Variants in SLC12A8 observed in about 807,000 individuals in gnomAD.
SLC12A8 encodes cation-chloride cotransporter 9.
A neutral mutation model predicts 75.6 loss-of-function variants in SLC12A8; 69 were observed. The observed-to-expected ratio is 0.91, with a 90% CI of 0.75 to 1.11. The LOEUF is 1.11. Ranked by LOEUF, SLC12A8 falls within the 50% of genes most tolerant of loss-of-function variation. The probability of loss-of-function intolerance (pLI) is 0.00; values close to 1 mark genes in which losing one functional copy is unlikely to be tolerated. For synonymous variants in SLC12A8, 365 were observed against 372.8 expected (o/e 0.98, Z 0.24); for missense variants, 877 against 896.7 (o/e 0.98, Z 0.28).
chr3:125,166,750 T>A (rs1447176694), intron 5 of SLC12A8, among the ~76,000 whole-genome samples: 1 of 152,142 alleles, frequency 6.6e-6, no homozygotes, highest in East Asian at 1.9e-4. Flanking sequence ...ATGGATAAAT[T>A]GCGAAAATAT....
chr3:125,187,011 A>G (rs1934799598), intron 4 of SLC12A8, among the ~76,000 whole-genome samples: 1 of 152,362 alleles, frequency 6.6e-6, no homozygotes, highest in Admixed American at 6.5e-5. Context: ...CACATCAGGC[A>G]TCCAGGAGGC....
At chr3:125,134,243 A>C (rs1433073962) in intron 6 of SLC12A8, among the ~76,000 whole-genome samples, 1 of 149,622 alleles carries the variant, frequency 6.7e-6, no homozygotes, top group Admixed American at 6.8e-5. Context: ...CTGGAACTAC[A>C]GGCATGCACC....
At chr3:125,211,087 C>A (rs1935328605) in intron 2 of SLC12A8, among the ~76,000 whole-genome samples, 3 of 152,180 alleles carry the variant, frequency 2.0e-5, no homozygotes, top group Admixed American at 2.0e-4. Flanking sequence ...AAATCCACCA[C>A]AAATAATGCC....
At chr3:125,176,228 G>A (rs950482356) in intron 5 of SLC12A8, among the ~76,000 whole-genome samples, 1 of 152,072 alleles carries the variant, frequency 6.6e-6, no homozygotes, top group Non-Finnish European at 1.5e-5. Context: ...AACAGATCTC[G>A]CTAAATAATT....
intron 6 of SLC12A8, among the ~76,000 whole-genome samples, chr3:125,132,945 A>G (rs1933396204): frequency 6.6e-6 from 1 of 152,296 alleles, no homozygotes; most frequent in Non-Finnish European, 1.5e-5. Context: ...GAGAAATGCA[A>G]GGGGAAGTGG....
chr3:125,120,039 A>G (rs1316004633), intron 7 of SLC12A8: 1 of 380,222 alleles, frequency 2.6e-6, no homozygotes. Context: ...TGGGGGAAGA[A>G]GAAGAGCTGG....
At chr3:125,168,073 G>A (rs1934330066) in intron 5 of SLC12A8, among the ~76,000 whole-genome samples, 1 of 152,182 alleles carries the variant, frequency 6.6e-6, no homozygotes, top group Non-Finnish European at 1.5e-5. Flanking sequence ...GGAAATGGCT[G>A]GGGACAACCA....
rs2981484 is a variant in SLC12A8 at position 125,083,736 on chromosome 3, A to G, written c.*154T>C. 1,337 of 744,652 alleles carry G rather than the reference A, an allele frequency of 1.8e-3. 26 individuals carry two copies. The Admixed American group carries it at 0.038, about 21-fold the overall frequency. 46.1% of individuals were successfully genotyped at this position (744,652 alleles called of 1,614,324 possible). On this transcript the variant is annotated 3_prime_UTR_variant, in exon 14 of 14. Transcript: ENST00000469902. ...GACTCTGTCTCAAAAAAAAAAAAAA[A>G]GGGAAAAGAAAATGTAGATTTCCAT...
chr3:125,123,977 A>G (rs1469375798), intron 6 of SLC12A8, among the ~76,000 whole-genome samples: 1 of 152,040 alleles, frequency 6.6e-6, no homozygotes, highest in Non-Finnish European at 1.5e-5. Context: ...GATTCATCCT[A>G]ATTGCTTCCT....
At chr3:125,111,782 AG>A (rs1000818754) in intron 8 of SLC12A8, among the ~76,000 whole-genome samples, 1 of 152,190 alleles carries the variant, frequency 6.6e-6, no homozygotes, top group Non-Finnish European at 1.5e-5. Context: ...CAGTCAGGAC[AG>A]TTGATTGGAA....
At chr3:125,114,102 C>A (rs1006496899) in intron 8 of SLC12A8, among the ~76,000 whole-genome samples, 2 of 152,196 alleles carry the variant, frequency 1.3e-5, no homozygotes, top group Non-Finnish European at 2.9e-5. Context: ...AACATCTCCA[C>A]GCTCCATGAA....
At chr3:125,089,554 T>C (rs1938535928) in intron 12 of SLC12A8, among the ~76,000 whole-genome samples, 1 of 150,764 alleles carries the variant, frequency 6.6e-6, no homozygotes, top group African/African-American at 2.5e-5. Context: ...TCAGCTAACA[T>C]AAGGACCTCT....
chr3:125,115,508 A>C (rs1939288525), intron 8 of SLC12A8, among the ~76,000 whole-genome samples: 13 of 152,022 alleles, frequency 8.6e-5, no homozygotes, highest in Admixed American at 7.9e-4. Flanking sequence ...GGGCAACAAG[A>C]GCAAAACTCC....
At chr3:125,115,078 A>T (rs1939276468) in intron 8 of SLC12A8, among the ~76,000 whole-genome samples, 1 of 152,198 alleles carries the variant, frequency 6.6e-6, no homozygotes, top group Non-Finnish European at 1.5e-5. Flanking sequence ...TTTAGTTAGC[A>T]TCTGCTATGT....
At chr3:125,088,407 T>C (rs1413113567) in intron 12 of SLC12A8, 37 bp from the exon 13 acceptor site, 1 of 1,605,538 alleles carries the variant, frequency 6.2e-7, no homozygotes, top group South Asian at 1.1e-5. Flanking sequence ...TTTTTGAAGG[T>C]TCTACATAAG....
intron 4 of SLC12A8, among the ~76,000 whole-genome samples, chr3:125,186,006 G>C (rs1186739800): frequency 6.6e-6 from 1 of 152,216 alleles, no homozygotes; most frequent in Non-Finnish European, 1.5e-5. Context: ...CAGCAGCACA[G>C]ATGCCTGTCT....
chr3:125,146,674 T>A (rs1933782580), intron 5 of SLC12A8, among the ~76,000 whole-genome samples: 1 of 152,192 alleles, frequency 6.6e-6, no homozygotes, highest in East Asian at 1.9e-4. Context: ...GCCTACTAGT[T>A]GTGGCCTCCC....
At chr3:125,153,861 C>T (rs942607382) in intron 5 of SLC12A8, among the ~76,000 whole-genome samples, 3 of 152,116 alleles carry the variant, frequency 2.0e-5, no homozygotes, top group African/African-American at 7.2e-5. Flanking sequence ...CTATTATTGG[C>T]CTTGAGCTCT....
intron 2 of SLC12A8, among the ~76,000 whole-genome samples, chr3:125,206,102 C>A (rs1018576663): frequency 2.0e-5 from 3 of 152,208 alleles, no homozygotes; most frequent in Admixed American, 6.5e-5. Context: ...TGGCACATGG[C>A]TGCTGAGGCT....
Sources: gnomAD v4.1 joint callset for allele counts (sites outside exome capture counted in the v4.1 genomes callset) on GRCh38, gnomAD v4.1.1 for gene constraint, MANE v1.5 for transcripts, NCBI Gene and HGNC (gene_info 2026-07-23, HGNC 2026-07-21) for gene names.